RGS7: variants seen among roughly 807,000 people sequenced by gnomAD.
The protein encoded by RGS7 is regulator of G protein signaling 7.
In RGS7, 27 loss-of-function variants were observed where a neutral mutation model predicts 81.1. That is an observed-to-expected ratio of 0.33 (90% confidence interval 0.25 to 0.46). The LOEUF (loss-of-function observed/expected upper bound fraction) is 0.46, where lower values mean the gene tolerates loss of function less well. Ranked by LOEUF, RGS7 falls within the 20% of genes least tolerant of loss-of-function variation. The pLI is 1.00. For missense variants in RGS7, 396 were observed against 607.4 expected (o/e 0.65, Z 3.66); for synonymous variants, 208 against 207.7 (o/e 1.00, Z -0.01).
In RGS7 at chr1:241,197,545, C is replaced by T. The variant is rs2073167463; in HGVS notation, c.79-98783G>A. Among the ~76,000 whole-genome samples the T allele has an allele frequency of 3.7e-4, 2 of 5,356 alleles. 1 individual carries two copies. The highest frequency in any genetic ancestry group is 8.2e-3 in the Admixed American group (2 of 244). The allele number at this position is 5,356 out of a possible 152,430, so 3.5% of individuals were successfully genotyped here. On this transcript the variant is annotated intron_variant, in intron 2 of 18. Coordinates refer to ENST00000440928, the MANE Select transcript of RGS7 (RefSeq NM_001364886.1). ...CTGGGATTACAGGCGTGAGCCACCG[C>T]GCCCGGCCTAATCAAAGTATCTTAA... is the stretch of plus-strand genomic sequence containing the variant.
chr1:240,995,848 G>T (rs780851214), intron 3 of RGS7, among the ~76,000 whole-genome samples: 14 of 150,822 alleles, frequency 9.3e-5, no homozygotes, highest in Non-Finnish European at 1.8e-4. Flanking sequence ...TCTTACGCTT[G>T]CTTGCTTTGG....
intron 3 of RGS7, among the ~76,000 whole-genome samples, chr1:241,068,139 C>T (rs192883649): frequency 6.6e-6 from 1 of 150,928 alleles, no homozygotes; most frequent in African/African-American, 2.4e-5. Context: ...GCTAATAACA[C>T]AATACTCAGC....
At chr1:240,784,817 G>A (rs1382999008) in intron 18 of RGS7, among the ~76,000 whole-genome samples, 1 of 151,980 alleles carries the variant, frequency 6.6e-6, no homozygotes, top group African/African-American at 2.4e-5. Flanking sequence ...AGACTATGGA[G>A]AGGCACTGGG....
At chr1:240,931,338 T>C (rs1339899603) in intron 5 of RGS7, among the ~76,000 whole-genome samples, 3 of 152,312 alleles carry the variant, frequency 2.0e-5, no homozygotes, top group Admixed American at 2.0e-4. Context: ...TTTCCTAAAT[T>C]CCTCTTGTAA....
chr1:241,355,834 G>A lies in RGS7; in HGVS notation c.-50-8C>T. On this transcript the variant is annotated splice_region_variant and splice_polypyrimidine_tract_variant and intron_variant, in intron 1 of 18. Coordinates refer to ENST00000440928, the MANE Select transcript of RGS7 (RefSeq NM_001364886.1). ...AAGAATTATCAGTGTGCCCTGCAAA[G>A]GGTCAGAGAGACTTCAGTGAGATCC... is the stretch of plus-strand genomic sequence containing the variant. 1 of 1,437,406 alleles carries A rather than the reference G, an allele frequency of 7.0e-7. No individual in the cohort carries two copies. The highest frequency in any genetic ancestry group is 1.8e-4 in the Middle Eastern group (1 of 5,702). The allele number at this position is 1,437,406 out of a possible 1,614,324, so 89.0% of individuals were successfully genotyped here. A position where few individuals can be genotyped will look rare whatever the true frequency, so the allele number is the denominator to read the frequency against.
chr1:241,340,195 A>T (rs1381049871), intron 2 of RGS7, among the ~76,000 whole-genome samples: 1 of 152,222 alleles, frequency 6.6e-6, no homozygotes, highest in Admixed American at 6.5e-5. Flanking sequence ...AAATATTATG[A>T]AAAGAATGCA....
chr1:241,208,365 G>A (rs2074045444), intron 2 of RGS7, among the ~76,000 whole-genome samples: 1 of 152,142 alleles, frequency 6.6e-6, no homozygotes, highest in Non-Finnish European at 1.5e-5. Flanking sequence ...AGGGACAGGA[G>A]GCATTTCGGA....
intron 3 of RGS7, among the ~76,000 whole-genome samples, chr1:241,021,942 G>A (rs2059557872): frequency 6.6e-6 from 1 of 152,134 alleles, no homozygotes; most frequent in African/African-American, 2.4e-5. Context: ...CATCTAAAGT[G>A]AGGATGGTAA....
intron 3 of RGS7, among the ~76,000 whole-genome samples, chr1:241,013,094 A>C (rs1300824025): frequency 3.3e-4 from 30 of 89,668 alleles, no homozygotes; most frequent in East Asian, 6.0e-4. Flanking sequence ...ACGGAGTCCC[A>C]CTCTGTTGCC....
chr1:241,347,418 C>T (rs1264057040), intron 2 of RGS7, among the ~76,000 whole-genome samples: 3 of 152,156 alleles, frequency 2.0e-5, no homozygotes, highest in Non-Finnish European at 2.9e-5. Flanking sequence ...CTATCACCCT[C>T]CTTTAAAAGT....
At chr1:241,335,895 T>C (rs1438864489) in intron 2 of RGS7, among the ~76,000 whole-genome samples, 15 of 152,186 alleles carry the variant, frequency 9.9e-5, no homozygotes, top group Admixed American at 9.8e-4. Context: ...AAACTGGCTC[T>C]AGTGCACCAC....
At chr1:240,997,080 G>A (rs867176244) in intron 3 of RGS7, among the ~76,000 whole-genome samples, 137 of 152,164 alleles carry the variant, frequency 9.0e-4, no homozygotes, top group African/African-American at 3.3e-3. Flanking sequence ...CTCCTGAAGA[G>A]GGAACACAGA....
chr1:240,999,854 C>T (rs1005018698), intron 3 of RGS7, among the ~76,000 whole-genome samples: 4 of 152,138 alleles, frequency 2.6e-5, no homozygotes, highest in Non-Finnish European at 5.9e-5. Context: ...CCACCCACCT[C>T]GGCCTATCAA....
chr1:240,891,698 G>A (rs1207837163), intron 6 of RGS7, among the ~76,000 whole-genome samples: 1 of 152,100 alleles, frequency 6.6e-6, no homozygotes, highest in Non-Finnish European at 1.5e-5. Flanking sequence ...TTAAATGGAG[G>A]AAACAAATAA....
chr1:241,089,021 ATCTCTCTCTCTCTC>A (rs1158514403), intron 3 of RGS7, among the ~76,000 whole-genome samples: 15 of 23,660 alleles, frequency 6.3e-4, no homozygotes, highest in Non-Finnish European at 9.5e-4. Context: ...GCAAGACTCC[ATCTCTCTCTCTCTC>A]TCTCTCTCTC....
chr1:241,182,043 C>T (rs560008920), intron 2 of RGS7, among the ~76,000 whole-genome samples: 2 of 152,224 alleles, frequency 1.3e-5, no homozygotes, highest in East Asian at 1.9e-4. Context: ...AGAGTCACAA[C>T]CTATAGCATT....
At chr1:241,300,641 C>A (rs1263692652) in intron 2 of RGS7, among the ~76,000 whole-genome samples, 1 of 152,190 alleles carries the variant, frequency 6.6e-6, no homozygotes, top group Non-Finnish European at 1.5e-5. Context: ...TCTGGAGGTA[C>A]CACAGTTTAT....
At chr1:241,019,534 G>T (rs929841958) in intron 3 of RGS7, among the ~76,000 whole-genome samples, 4 of 152,060 alleles carry the variant, frequency 2.6e-5, no homozygotes, top group Admixed American at 6.5e-5. Flanking sequence ...AGGCCCCAGT[G>T]TGTGATGGTC....
At chr1:241,250,478 T>C (rs1420231410) in intron 2 of RGS7, among the ~76,000 whole-genome samples, 2 of 152,144 alleles carry the variant, frequency 1.3e-5, no homozygotes, top group African/African-American at 4.8e-5. Flanking sequence ...TTTTTTTTTT[T>C]TGGACACTCA....
Sources: allele counts gnomAD v4.1 joint callset (sites outside exome capture counted in the v4.1 genomes callset), GRCh38; gene constraint gnomAD v4.1.1; transcripts MANE v1.5; gene names NCBI Gene and HGNC (gene_info 2026-07-23, HGNC 2026-07-21).